FBXW11: variants seen among roughly 807,000 people sequenced by gnomAD.
The protein encoded by FBXW11 is F-box and WD repeat domain containing 11, also known as F-box/WD repeat-containing protein 11.
Under a neutral mutation model 77.6 loss-of-function variants are expected in FBXW11, and 19 were observed. That is an observed-to-expected ratio of 0.24 (90% CI 0.17 to 0.36). FBXW11 has a LOEUF of 0.36. Among genes scored for constraint, FBXW11 ranks in the 10% least tolerant of loss-of-function variants. The probability of loss-of-function intolerance (pLI) is 1.00; values close to 1 mark genes in which losing one functional copy is unlikely to be tolerated. For missense variants in FBXW11, 334 were observed against 704.2 expected, an observed-to-expected ratio of 0.47 and a Z score of 5.95; for synonymous variants, 235 against 249.4, an observed-to-expected ratio of 0.94 and a Z score of 0.54.
In FBXW11 at chr5:171,900,360, C is replaced by T. The variant is rs185035538; in HGVS notation, c.437-260G>A. Among the ~76,000 whole-genome samples the T allele has an allele frequency of 2.4e-4, 36 of 152,268 alleles. No individual in the cohort carries two copies. The East Asian group carries it at 2.7e-3, about 11-fold the overall frequency. On this transcript the variant is annotated intron_variant, in intron 4 of 13. Transcript: ENST00000517395. ...GACCTTGGACAGTTCTGTTATTTGT[C>T]AAATATTAAGATAAGACTTTTCATT...
intron 6 of FBXW11, among the ~76,000 whole-genome samples, chr5:171,894,987 G>C (rs1389915523): frequency 6.6e-6 from 1 of 152,188 alleles, no homozygotes; most frequent in Admixed American, 6.5e-5. Context: ...AAAGTTGCCA[G>C]AAATTGTTGT....
intron 3 of FBXW11, among the ~76,000 whole-genome samples, chr5:171,911,644 T>A (rs539784711): frequency 6.6e-6 from 1 of 152,356 alleles, no homozygotes; most frequent in East Asian, 1.9e-4. Context: ...AAATAAACCA[T>A]GTATACCTGA....
chr5:171,873,085 C>T, intron 9 of FBXW11, 95 bp from the exon 10 acceptor site: 1 of 983,066 alleles, frequency 1.0e-6, no homozygotes, highest in Non-Finnish European at 1.5e-6. Flanking sequence ...TGATAATGAC[C>T]CAAATATGTG....
chr5:171,925,105 G>T (rs1028842891), intron 2 of FBXW11, among the ~76,000 whole-genome samples: 1 of 152,092 alleles, frequency 6.6e-6, no homozygotes, highest in African/African-American at 2.4e-5. Flanking sequence ...CCTGGGCAGG[G>T]GCACTGCCAG....
At chr5:171,916,379 T>C in intron 2 of FBXW11, 1 of 943,384 alleles carries the variant, frequency 1.1e-6, no homozygotes, top group Non-Finnish European at 1.3e-6. Context: ...CTCAGTAAAA[T>C]CTTATAAACC....
At chr5:172,003,783 G>A (rs991074030) in intron 1 of FBXW11, among the ~76,000 whole-genome samples, 4 of 152,126 alleles carry the variant, frequency 2.6e-5, no homozygotes, top group African/African-American at 7.2e-5. Context: ...TATCAAAAAT[G>A]CAAGGAAAAA....
chr5:171,992,292 T>C lies in FBXW11; in HGVS notation c.45+14166A>G, dbSNP rs72835286. ...AAAATAAAAAAATTAGCCGGGTGGG[T>C]TGGCATGTGCCTGTAGTCCCAGCTA... On this transcript the variant is annotated intron_variant, in intron 1 of 13. Coordinates refer to ENST00000517395, the MANE Select transcript of FBXW11 (RefSeq NM_001378974.1). 5.1e-3 allele frequency among the ~76,000 whole-genome samples: 766 copies of C among 150,734 alleles called. 3 individuals carry two copies. Among genetic ancestry groups the C allele is most frequent in the Non-Finnish European group, 8.3e-3 (563 of 67,604 alleles).
At chr5:171,995,380 T>C (rs1765974066) in intron 1 of FBXW11, among the ~76,000 whole-genome samples, 1 of 152,178 alleles carries the variant, frequency 6.6e-6, no homozygotes, top group Non-Finnish European at 1.5e-5. Flanking sequence ...TACATTCACT[T>C]GATGAACTGA....
At chr5:171,874,861 G>C (rs934739320) in intron 9 of FBXW11, among the ~76,000 whole-genome samples, 1 of 151,128 alleles carries the variant, frequency 6.6e-6, no homozygotes, top group Non-Finnish European at 1.5e-5. Flanking sequence ...CTGGGGGACT[G>C]CTTGAGCCCA....
At chr5:171,967,913 C>T (rs1764308601) in intron 1 of FBXW11, among the ~76,000 whole-genome samples, 1 of 148,592 alleles carries the variant, frequency 6.7e-6, no homozygotes, top group African/African-American at 2.6e-5. Context: ...CACACACACA[C>T]ACACACATAT....
At chr5:172,003,687 C>A (rs1766554780) in intron 1 of FBXW11, among the ~76,000 whole-genome samples, 1 of 152,122 alleles carries the variant, frequency 6.6e-6, no homozygotes, top group South Asian at 2.1e-4. Context: ...GGACCCAGGC[C>A]TCAGGCAGCG....
intron 1 of FBXW11, among the ~76,000 whole-genome samples, chr5:172,002,414 A>ATGTGTGTGTG (rs55720474): frequency 0.011 from 1,572 of 144,052 alleles, 24 homozygotes; most frequent in African/African-American, 0.039. Context: ...TTTTATATAA[A>ATGTGTGTGTG]TGTGTGTGTG....
intron 2 of FBXW11, among the ~76,000 whole-genome samples, chr5:171,941,711 C>A (rs184764154): frequency 6.6e-6 from 1 of 151,790 alleles, no homozygotes; most frequent in Admixed American, 6.6e-5. Context: ...TTGAGACTGT[C>A]TCAAAATAAA....
chr5:171,878,041 A>G lies in FBXW11; in HGVS notation c.941T>C (p.Ile314Thr). 6.2e-7 allele frequency: 1 copy of G among 1,613,870 alleles called. No homozygotes were observed. The highest frequency in any genetic ancestry group is 1.1e-5 in the South Asian group (1 of 91,074). ...CGTAGAATCTGAAGAGCCAGTTACA[A>G]TGACACGCTCATCATACTGCAGACA... ...VLCLQYDERV[I>T]VTGSSDSTVR... The change falls in exon 8 of 14, where the codon ATT (isoleucine) becomes ACT (threonine). Residue 314 changes from isoleucine (I) to threonine (T), a missense_variant. Physicochemically the swap from Ile to Thr is moderately conservative, Grantham distance 89. Around this residue, in one of 10 missense-constraint regions of FBXW11, gnomAD observed 70 missense variants for 136.6 expected, o/e 0.51. Transcript: ENST00000517395.
chr5:171,871,616 T>C (rs1487710727), intron 10 of FBXW11, among the ~76,000 whole-genome samples: 1 of 152,216 alleles, frequency 6.6e-6, no homozygotes, highest in South Asian at 2.1e-4. Flanking sequence ...TAGAGATCTT[T>C]TTTCCTATTA....
chr5:171,931,814 C>CCT (rs145332377), intron 2 of FBXW11, among the ~76,000 whole-genome samples: 3 of 133,432 alleles, frequency 2.2e-5, no homozygotes, highest in African/African-American at 3.3e-5. Context: ...CTCTCTCTCT[C>CCT]CTCTCTCTCT....
At position 171,904,462 on chromosome 5, in the gene FBXW11, A is replaced by C. The variant is rs539458909; in HGVS notation, c.437-4362T>G. Among the ~76,000 whole-genome samples the C allele has an allele frequency of 2.6e-3, 390 of 152,250 alleles. 2 individuals carry two copies. The highest frequency in any genetic ancestry group is 9.1e-3 in the African/African-American group (378 of 41,546). ...GTTGTATCTGACTCAACTCAGGGTT[A>C]CTGATTTTCAAAACAACAGCAAAAA... On this transcript the variant is annotated intron_variant, in intron 4 of 13. Transcript: ENST00000517395. This position sits in a 1 kb window ranked among gnomAD's most constrained non-coding sequence, Gnocchi z 4.0.
At chr5:171,871,630 C>A (rs938195635) in intron 10 of FBXW11, among the ~76,000 whole-genome samples, 1 of 152,138 alleles carries the variant, frequency 6.6e-6, no homozygotes, top group African/African-American at 2.4e-5. Context: ...CCTATTATGA[C>A]TGATTTTCTA....
intron 2 of FBXW11, among the ~76,000 whole-genome samples, chr5:171,940,673 AG>A (rs1199264509): frequency 6.6e-6 from 1 of 152,176 alleles, no homozygotes; most frequent in African/African-American, 2.4e-5. Context: ...GCGAATCAAG[AG>A]GTCAGGAGTT....
Sources: gnomAD v4.1 joint callset for allele counts (sites outside exome capture counted in the v4.1 genomes callset) on GRCh38, gnomAD v4.1.1 for gene constraint, gnomAD v4.1.1 regional missense constraint, Gnocchi (gnomAD v3.1) non-coding constraint, MANE v1.5 for transcripts, NCBI Gene and HGNC (gene_info 2026-07-23, HGNC 2026-07-21) for gene names.